MAGI1: variants seen among roughly 807,000 people sequenced by gnomAD.
MAGI1 encodes membrane-associated guanylate kinase, WW and PDZ domain-containing protein 1.
A neutral mutation model predicts 139.9 loss-of-function variants in MAGI1; 58 were observed. That is an observed-to-expected ratio of 0.41 (90% confidence interval 0.34 to 0.52). The LOEUF is 0.52. Among genes scored for constraint, MAGI1 ranks in the 20% least tolerant of loss-of-function variants. The probability of loss-of-function intolerance (pLI) is 0.12; values close to 1 mark genes in which losing one functional copy is unlikely to be tolerated. For missense variants in MAGI1, 1,874 were observed against 1,901.6 expected (o/e 0.99, Z 0.27); for synonymous variants, 812 against 737.9 (o/e 1.10, Z -1.63).
At chr3:65,546,076 G>A (rs1420585160) in intron 2 of MAGI1, among the ~76,000 whole-genome samples, 1 of 151,652 alleles carries the variant, frequency 6.6e-6, no homozygotes, top group Non-Finnish European at 1.5e-5. Flanking sequence ...TCCCTCCCCA[G>A]AAACAACCAA....
chr3:65,375,931 C>G lies in MAGI1; in HGVS notation c.3010G>C (p.Ala1004Pro). Reference protein sequence around the residue: ...AGTTFGNACVAMPHKIGRIIE... With the variant: ...AGTTFGNACVPMPHKIGRIIE... ...ATCCGACCTATTTTGTGAGGCATAG[C>G]CACACATGCATTGCCTGCTTTGATA... Residue 1004 changes from alanine (A) to proline (P), a missense_variant, in exon 18 of 23, where the codon GCT (alanine) becomes CCT (proline). Transcript: ENST00000402939. The G allele has an allele frequency of 6.2e-7, 1 of 1,613,754 alleles. No homozygotes were observed. Among genetic ancestry groups the G allele is most frequent in the Non-Finnish European group, 8.5e-7 (1 of 1,179,748 alleles).
intron 1 of MAGI1, among the ~76,000 whole-genome samples, chr3:65,937,211 T>C (rs2063106456): frequency 6.6e-6 from 1 of 152,152 alleles, no homozygotes; most frequent in Admixed American, 6.6e-5. Context: ...GTTTGAGATT[T>C]TGAAGAGCTG....
intron 1 of MAGI1, among the ~76,000 whole-genome samples, chr3:65,880,464 C>T (rs2060279393): frequency 6.6e-6 from 1 of 152,066 alleles, no homozygotes; most frequent in Admixed American, 6.5e-5. Flanking sequence ...CACAATTCAG[C>T]CAAAACATCA....
chr3:65,395,863 A>G (rs1482937717), intron 13 of MAGI1, among the ~76,000 whole-genome samples: 1 of 151,772 alleles, frequency 6.6e-6, no homozygotes, highest in Non-Finnish European at 1.5e-5. Flanking sequence ...ATGTTTCCAG[A>G]AAGTTTGGTG....
In MAGI1 at chr3:65,980,946, G is replaced by A. The variant is rs567065707; in HGVS notation, c.313+57050C>T. On this transcript the variant is annotated intron_variant, in intron 1 of 22. Transcript: ENST00000402939. The stretch of plus-strand genomic sequence containing the variant: ...GGCCAAAGCAGGCAGATCACTTGAG[G>A]TCAGGAGTTCGAGACCAGCCTGGCC... Among the ~76,000 whole-genome samples the A allele has an allele frequency of 2.0e-5, 3 of 152,170 alleles. 1 individual carries two copies. The East Asian group carries it at 5.8e-4, about 29-fold the overall frequency.
chr3:65,901,232 C>A (rs1261270644), intron 1 of MAGI1, among the ~76,000 whole-genome samples: 1 of 152,154 alleles, frequency 6.6e-6, no homozygotes, highest in Non-Finnish European at 1.5e-5. Context: ...TGACGCCACA[C>A]AAAAGGAAGA....
intron 2 of MAGI1, among the ~76,000 whole-genome samples, chr3:65,578,185 C>T (rs569879431): frequency 6.6e-6 from 1 of 152,252 alleles, no homozygotes; most frequent in South Asian, 2.1e-4. Flanking sequence ...TTTTGCTTTC[C>T]CTAAGCACCC....
At chr3:66,016,298 T>C (rs1261101722) in intron 1 of MAGI1, among the ~76,000 whole-genome samples, 1 of 152,172 alleles carries the variant, frequency 6.6e-6, no homozygotes, top group Non-Finnish European at 1.5e-5. Flanking sequence ...TGTGCTCTTA[T>C]TACTGCTACT....
chr3:65,985,222 A>G (rs1158472854), intron 1 of MAGI1, among the ~76,000 whole-genome samples: 2 of 152,262 alleles, frequency 1.3e-5, no homozygotes, highest in South Asian at 2.1e-4. Context: ...TCACAAACAC[A>G]TGACAAGTTA....
chr3:65,406,401 G>A (rs1349458880), intron 12 of MAGI1, among the ~76,000 whole-genome samples: 1 of 152,106 alleles, frequency 6.6e-6, no homozygotes, highest in Non-Finnish European at 1.5e-5. Context: ...CTAACTGAAT[G>A]AATCAAGAAA....
chr3:65,534,042 G>T (rs564853091), intron 2 of MAGI1, among the ~76,000 whole-genome samples: 58 of 152,320 alleles, frequency 3.8e-4, no homozygotes, highest in African/African-American at 1.3e-3. Flanking sequence ...TTGTGAGACA[G>T]AGAACTACCC....
intron 2 of MAGI1, among the ~76,000 whole-genome samples, chr3:65,509,617 A>G (rs896171802): frequency 6.6e-6 from 1 of 152,190 alleles, no homozygotes; most frequent in African/African-American, 2.4e-5. Context: ...AAGGCGAACC[A>G]CGAGATTATA....
At chr3:65,810,194 C>G (rs139225458) in intron 1 of MAGI1, among the ~76,000 whole-genome samples, 28 of 152,316 alleles carry the variant, frequency 1.8e-4, no homozygotes, top group African/African-American at 6.5e-4. Context: ...GAAATGCATG[C>G]TAATGGTGGA....
intron 2 of MAGI1, among the ~76,000 whole-genome samples, chr3:65,504,652 A>C (rs2107714965): frequency 6.6e-6 from 1 of 152,294 alleles, no homozygotes; most frequent in South Asian, 2.1e-4. Flanking sequence ...TTCATCCAGG[A>C]AACATAGCAG....
At chr3:65,584,765 A>G (rs2081597826) in intron 2 of MAGI1, among the ~76,000 whole-genome samples, 1 of 152,244 alleles carries the variant, frequency 6.6e-6, no homozygotes, top group Admixed American at 6.5e-5. Context: ...AGTGCCTCGC[A>G]AAACTATATT....
At chr3:65,489,684 T>C (rs1265467489) in intron 3 of MAGI1, among the ~76,000 whole-genome samples, 1 of 152,192 alleles carries the variant, frequency 6.6e-6, no homozygotes, top group African/African-American at 2.4e-5. Flanking sequence ...TGCGGTAATG[T>C]GGAAAGATCT....
intron 1 of MAGI1, among the ~76,000 whole-genome samples, chr3:65,728,604 G>A (rs1010785661): frequency 5.3e-5 from 8 of 152,164 alleles, no homozygotes; most frequent in African/African-American, 7.2e-5. Flanking sequence ...AAACTAGATA[G>A]TCATTCAGCT....
chr3:65,503,378 A>G lies in MAGI1; in HGVS notation c.431-9747T>C, dbSNP rs186029847. Among the ~76,000 whole-genome samples the G allele has an allele frequency of 4.6e-3, 694 of 152,344 alleles. 19 individuals are homozygous for G. Among genetic ancestry groups the G allele is most frequent in the Admixed American group, 0.042 (649 of 15,304 alleles). ...AGGAAGCAAGGCCACTCAGGGCAAC[A>G]TAAATGGATCCTTTCTAGAAGCACC... On this transcript the variant is annotated intron_variant, in intron 2 of 22. Coordinates refer to ENST00000402939, the MANE Select transcript of MAGI1 (RefSeq NM_001033057.2).
intron 22 of MAGI1, chr3:65,360,821 C>A: frequency 2.8e-6 from 3 of 1,075,128 alleles, no homozygotes; most frequent in Non-Finnish European, 3.4e-6. Flanking sequence ...ACATATCACT[C>A]AGGAAACCTG....
Sources: allele counts gnomAD v4.1 joint callset (sites outside exome capture counted in the v4.1 genomes callset), GRCh38; gene constraint gnomAD v4.1.1; transcripts MANE v1.5; gene names NCBI Gene and HGNC (gene_info 2026-07-23, HGNC 2026-07-21).